Variants in USP15 observed in about 807,000 individuals in gnomAD.
The protein encoded by USP15 is ubiquitin carboxyl-terminal hydrolase 15.
USP15 carries 18 observed loss-of-function variants against 127.1 expected under a neutral mutation model. The observed-to-expected ratio is 0.14, with a 90% CI of 0.10 to 0.21. The LOEUF (loss-of-function observed/expected upper bound fraction) is 0.21, where lower values mean the gene tolerates loss of function less well. Ranked by LOEUF, USP15 falls within the 10% of genes least tolerant of loss-of-function variation. The pLI is 1.00. For synonymous variants in USP15, 364 were observed against 393.7 expected (o/e 0.92, Z 0.89); for missense variants, 805 against 1,159.9 (o/e 0.69, Z 4.44).
At chr12:62,288,796 C>T (rs976356160) in intron 1 of USP15, among the ~76,000 whole-genome samples, 2 of 152,006 alleles carry the variant, frequency 1.3e-5, no homozygotes, top group African/African-American at 4.8e-5. Flanking sequence ...AGGTTTTTAT[C>T]ATGAGATGTT....
chr12:62,326,272 TATCAAA>T (rs1286969201), intron 6 of USP15, among the ~76,000 whole-genome samples: 1 of 152,194 alleles, frequency 6.6e-6, no homozygotes, highest in Non-Finnish European at 1.5e-5. Flanking sequence ...AATATTTCTT[TATCAAA>T]ATGAATCTGA....
At chr12:62,289,305 C>T (rs1364582107) in intron 1 of USP15, among the ~76,000 whole-genome samples, 1 of 151,770 alleles carries the variant, frequency 6.6e-6, no homozygotes, top group Non-Finnish European at 1.5e-5. Flanking sequence ...TCAGGGCTTC[C>T]AGTTCTTTCT....
In USP15 at chr12:62,407,481, T is replaced by G. The variant is rs962582017; in HGVS notation, c.*3106T>G. On this transcript the variant is annotated 3_prime_UTR_variant, in exon 22 of 22. Coordinates refer to ENST00000280377, the MANE Select transcript of USP15 (RefSeq NM_001252078.2). ...AAGACATCTTGAAGTCTAATAACTT[T>G]GCTTCTAAAAGTATATTTAGCTCAG... is the stretch of plus-strand genomic sequence containing the variant. The G allele has an allele frequency of 6.6e-6, 1 of 152,212 alleles. No homozygotes were observed. Among genetic ancestry groups the G allele is most frequent in the African/African-American group, 2.4e-5 (1 of 41,456 alleles). The allele number at this position is 152,212 out of a possible 1,614,324, so 9.4% of individuals were successfully genotyped here.
chr12:62,285,300 G>A (rs973753291), intron 1 of USP15, among the ~76,000 whole-genome samples: 2 of 152,066 alleles, frequency 1.3e-5, no homozygotes, highest in African/African-American at 4.8e-5. Context: ...CGCTCTATGT[G>A]TATACATGAT....
At chr12:62,340,752 AT>A (rs994459951) in intron 6 of USP15, among the ~76,000 whole-genome samples, 20 of 151,948 alleles carry the variant, frequency 1.3e-4, no homozygotes, top group African/African-American at 3.4e-4. Flanking sequence ...GACTGTTAGG[AT>A]TTCTGTTCTT....
At chr12:62,335,468 A>G (rs2065432411) in intron 6 of USP15, 1 of 1,305,464 alleles carries the variant, frequency 7.7e-7, no homozygotes, top group South Asian at 2.1e-5. Flanking sequence ...CTATTTAAGG[A>G]CAGTCCCTCT....
At chr12:62,346,441 CTT>C (rs897691123) in intron 6 of USP15, among the ~76,000 whole-genome samples, 44 of 152,232 alleles carry the variant, frequency 2.9e-4, no homozygotes, top group African/African-American at 1.0e-3. Flanking sequence ...TTAAATAACA[CTT>C]TGATATTATT....
chr12:62,307,657 G>A (rs1336130585), intron 3 of USP15, among the ~76,000 whole-genome samples: 4 of 152,066 alleles, frequency 2.6e-5, no homozygotes, highest in African/African-American at 4.8e-5. Context: ...TAAACAATTC[G>A]TGAGTTTTAA....
chr12:62,343,031 C>T (rs1043504099), intron 6 of USP15, among the ~76,000 whole-genome samples: 2 of 152,204 alleles, frequency 1.3e-5, no homozygotes, highest in Non-Finnish European at 2.9e-5. Flanking sequence ...TCCCTCCCCC[C>T]AGTGTCTCTG....
intron 2 of USP15, 21 bp downstream of exon 2, chr12:62,294,327 G>C: frequency 6.2e-7 from 1 of 1,600,570 alleles, no homozygotes; most frequent in South Asian, 1.2e-5. Flanking sequence ...TCTTCCTTCA[G>C]TCAAGTTGTA....
At chr12:62,388,910 C>G (rs528021590) in intron 11 of USP15, among the ~76,000 whole-genome samples, 16 of 152,242 alleles carry the variant, frequency 1.1e-4, no homozygotes, top group African/African-American at 3.8e-4. Context: ...CAGAAGGTCA[C>G]TTGAATCCAG....
chr12:62,359,880 T>G (rs1482580074), intron 8 of USP15, among the ~76,000 whole-genome samples: 1 of 152,152 alleles, frequency 6.6e-6, no homozygotes, highest in African/African-American at 2.4e-5. Context: ...GTTATGATTA[T>G]AGGCATATAC....
chr12:62,401,366 A>C, intron 21 of USP15, 91 bp downstream of exon 21: 1 of 942,138 alleles, frequency 1.1e-6, no homozygotes, highest in Non-Finnish European at 1.6e-6. Flanking sequence ...GGAACACTGT[A>C]GTCTATATTC....
chr12:62,321,647 G>A (rs1287760034), intron 5 of USP15, 38 bp downstream of exon 5: 2 of 1,445,330 alleles, frequency 1.4e-6, no homozygotes, highest in Admixed American at 2.5e-5. Context: ...TATACATGAA[G>A]GTTTTTGGAT....
intron 18 of USP15, 57 bp downstream of exon 18, chr12:62,392,444 A>G (rs1368205663): frequency 8.0e-7 from 1 of 1,242,490 alleles, no homozygotes; most frequent in East Asian, 2.4e-5. Flanking sequence ...ATTCTGAGAT[A>G]TGTGCCACAT....
chr12:62,412,200 C>CA lies in USP15; in HGVS notation c.*7826dup, dbSNP rs1358254946. On this transcript the variant is annotated 3_prime_UTR_variant, in exon 22 of 22. Coordinates refer to ENST00000280377, the MANE Select transcript of USP15 (RefSeq NM_001252078.2). ...TAACATTGTGCCTAAAAAAGATGTA[C>CA]ATGCCTTAATTTTCAAACTATTGCC... 6.6e-6 allele frequency: 1 copy of CA among 152,148 alleles called. No individual in the cohort carries two copies. The highest frequency in any genetic ancestry group is 1.5e-5 in the Non-Finnish European group (1 of 68,028). 9.4% of individuals were successfully genotyped at this position (152,148 alleles called of 1,614,324 possible).
Position 62,262,577 on chromosome 12 carries a change from C to T in USP15, c.89+2074C>T, listed in dbSNP as rs146592806. On this transcript the variant is annotated intron_variant, in intron 1 of 21. Coordinates refer to ENST00000280377, the MANE Select transcript of USP15 (RefSeq NM_001252078.2). ...ATAGGAGCAATATGTGCATTGTGGGCGTTTAACTTTATGAAGTTTGGTATT... is the reference window on the plus strand; with the variant it reads ...ATAGGAGCAATATGTGCATTGTGGGTGTTTAACTTTATGAAGTTTGGTATT... 2.2e-3 allele frequency among the ~76,000 whole-genome samples: 336 copies of T among 152,092 alleles called. 2 individuals are homozygous for T. Among genetic ancestry groups the T allele is most frequent in the African/African-American group, 7.7e-3 (321 of 41,476 alleles).
chr12:62,315,120 G>T (rs891571560), intron 4 of USP15: 1 of 432,492 alleles, frequency 2.3e-6, no homozygotes, highest in Non-Finnish European at 3.6e-6. Context: ...TTTAACATTT[G>T]TGCTGTTTTG....
rs1233632644 is a variant in USP15, at chr12:62,390,939, T to G, written c.1920T>G (p.Asn640Lys). ...SLHCCKDQNI[N>K]GNGPNGIHEE... ...ACTGCTGTAAGGACCAAAATATTAA[T>G]GGGAATGGCCCAAATGGCATACATG... The change falls in exon 15 of 22, where the codon AAT (asparagine) becomes AAG (lysine). Residue 640 changes from asparagine to lysine, a missense_variant. By Grantham distance (94) the Asn-to-Lys change is moderately conservative. Transcript: ENST00000280377. The G allele has an allele frequency of 6.2e-7, 1 of 1,612,948 alleles. No homozygotes were observed. Among genetic ancestry groups the G allele is most frequent in the African/African-American group, 1.3e-5 (1 of 74,880 alleles).
Sources: allele counts gnomAD v4.1 joint callset (sites outside exome capture counted in the v4.1 genomes callset), GRCh38; gene constraint gnomAD v4.1.1; transcripts MANE v1.5; gene names NCBI Gene and HGNC (gene_info 2026-07-23, HGNC 2026-07-21).